The following DLG1 variants were observed in gnomAD, a reference collection of about 807,000 sequenced individuals.
DLG1 encodes the protein disks large homolog 1.
DLG1 carries 42 observed loss-of-function variants against 123.4 expected under a neutral mutation model. That is an observed-to-expected ratio of 0.34 (90% CI 0.27 to 0.44). The LOEUF is 0.44. Among genes scored for constraint, DLG1 ranks in the 20% least tolerant of loss-of-function variants. DLG1 has a pLI of 1.00. For synonymous variants in DLG1, 317 were observed against 356.2 expected (o/e 0.89, Z 1.24); for missense variants, 942 against 1,082.6 (o/e 0.87, Z 1.82).
intron 22 of DLG1, among the ~76,000 whole-genome samples, chr3:197,064,692 T>C (rs1028343241): frequency 3.9e-5 from 6 of 152,246 alleles, no homozygotes; most frequent in African/African-American, 1.4e-4. Context: ...AAATTTTTTC[T>C]GTCAGTTGTC....
chr3:197,119,363 T>C (rs1264697609), intron 12 of DLG1, 47 bp downstream of exon 12: 3 of 1,492,270 alleles, frequency 2.0e-6, no homozygotes, highest in African/African-American at 1.4e-5. Context: ...TAAAATTCAA[T>C]TTAATAGTTG....
intron 15 of DLG1, among the ~76,000 whole-genome samples, chr3:197,089,209 A>T (rs556844725): frequency 2.6e-4 from 40 of 152,318 alleles, no homozygotes; most frequent in African/African-American, 8.7e-4. Context: ...GTTTTTCATT[A>T]TAAGTCTTTA....
At chr3:197,214,082 A>G (rs559084912) in intron 4 of DLG1, among the ~76,000 whole-genome samples, 7 of 152,342 alleles carry the variant, frequency 4.6e-5, no homozygotes, top group Admixed American at 2.6e-4. Context: ...AATAGCTGTG[A>G]TAAGAATAAT....
At chr3:197,218,390 G>A (rs1177003915) in intron 4 of DLG1, among the ~76,000 whole-genome samples, 1 of 152,168 alleles carries the variant, frequency 6.6e-6, no homozygotes, top group Non-Finnish European at 1.5e-5. Context: ...TGAACTTCAA[G>A]GGAAGGTTTC....
chr3:197,176,470 C>T (rs1807156881), intron 5 of DLG1, among the ~76,000 whole-genome samples: 1 of 152,096 alleles, frequency 6.6e-6, no homozygotes, highest in Non-Finnish European at 1.5e-5. Context: ...TTATTTATCC[C>T]TCTCACCTAA....
chr3:197,193,690 T>C (rs1000024814), intron 5 of DLG1, among the ~76,000 whole-genome samples: 5 of 152,174 alleles, frequency 3.3e-5, no homozygotes, highest in Admixed American at 2.0e-4. Flanking sequence ...AAACAATTGA[T>C]TAGCAATCGA....
At chr3:197,286,139 T>G (rs540659035) in intron 3 of DLG1, among the ~76,000 whole-genome samples, 1 of 152,298 alleles carries the variant, frequency 6.6e-6, no homozygotes, top group South Asian at 2.1e-4. Context: ...TACTTATGAT[T>G]CCAATTATGA....
intron 4 of DLG1, among the ~76,000 whole-genome samples, chr3:197,243,578 G>A (rs1750067118): frequency 6.6e-6 from 1 of 151,928 alleles, no homozygotes; most frequent in African/African-American, 2.4e-5. Context: ...ACAACACTGG[G>A]TTCCTATCAT....
At chr3:197,081,684 C>T (rs1048776681) in intron 16 of DLG1, among the ~76,000 whole-genome samples, 1 of 125,576 alleles carries the variant, frequency 8.0e-6, no homozygotes, top group Non-Finnish European at 1.8e-5. Context: ...TAACCAGTTA[C>T]AGTTATTGAA....
intron 17 of DLG1, among the ~76,000 whole-genome samples, chr3:197,078,145 CAA>C (rs34391299): frequency 0.067 from 7,988 of 119,612 alleles, 279 homozygotes; most frequent in South Asian, 0.09. Flanking sequence ...AACCCCATCT[CAA>C]AAAAAAAAAA....
intron 5 of DLG1, among the ~76,000 whole-genome samples, chr3:197,189,390 T>A (rs1717960955): frequency 6.6e-6 from 1 of 152,200 alleles, no homozygotes; most frequent in Non-Finnish European, 1.5e-5. Context: ...AAAATATGTT[T>A]AACAAGTTTA....
chr3:197,053,658 G>C (rs1232754620), intron 23 of DLG1, among the ~76,000 whole-genome samples: 2 of 151,640 alleles, frequency 1.3e-5, no homozygotes, highest in Non-Finnish European at 2.9e-5. Flanking sequence ...TGTAATCCCA[G>C]CTACTAGGGA....
chr3:197,085,451 T>C, intron 16 of DLG1, 129 bp downstream of exon 16: 1 of 907,840 alleles, frequency 1.1e-6, no homozygotes. Context: ...TTTGTCTTTC[T>C]GTGTCTGGCT....
intron 4 of DLG1, among the ~76,000 whole-genome samples, chr3:197,223,777 A>G (rs1388816481): frequency 2.0e-5 from 3 of 152,226 alleles, no homozygotes; most frequent in Non-Finnish European, 2.9e-5. Context: ...ATTCTGGTAT[A>G]ATTCCCAATG....
At chr3:197,125,493 A>C (rs1451420356) in intron 11 of DLG1, among the ~76,000 whole-genome samples, 1 of 152,186 alleles carries the variant, frequency 6.6e-6, no homozygotes, top group Non-Finnish European at 1.5e-5. Context: ...CAAATAGAAA[A>C]ATTGAGACAA....
rs937363240 is a variant in DLG1 at position 197,104,938 on chromosome 3, T to C, written c.1511A>G (p.Gln504Arg). 5 of 1,613,802 alleles carry C rather than the reference T, an allele frequency of 3.1e-6. No homozygotes were observed. The highest frequency in any genetic ancestry group is 3.4e-6 in the Non-Finnish European group (4 of 1,179,794). Reference sequence around the variant, plus strand: ...ATATTGTGCAACAATTGTGACAGCCTGGCCAGCATTTTTCAATGCAGCTGC... The same window carrying C: ...ATATTGTGCAACAATTGTGACAGCCCGGCCAGCATTTTTCAATGCAGCTGC... ...QAAAALKNAG[Q>R]AVTIVAQYRP... The change falls in exon 14 of 25, where the codon CAG becomes CGG. Residue 504 changes from glutamine to arginine, a missense_variant. Transcript: ENST00000667157.
chr3:197,216,810 C>T (rs1734345455), intron 4 of DLG1, among the ~76,000 whole-genome samples: 1 of 152,132 alleles, frequency 6.6e-6, no homozygotes, highest in South Asian at 2.1e-4. Flanking sequence ...TCAAAGAGAG[C>T]AGTTTAGGTT....
intron 4 of DLG1, among the ~76,000 whole-genome samples, chr3:197,255,495 G>C (rs1180628110): frequency 6.6e-6 from 1 of 152,118 alleles, no homozygotes; most frequent in Non-Finnish European, 1.5e-5. Flanking sequence ...TCTACAATGT[G>C]AATTAAAAAT....
intron 5 of DLG1, among the ~76,000 whole-genome samples, chr3:197,151,600 A>T (rs1055657654): frequency 3.9e-5 from 6 of 152,234 alleles, no homozygotes; most frequent in African/African-American, 1.4e-4. Context: ...CATAGAGTTC[A>T]TTGTACTATT....
Sources: allele counts gnomAD v4.1 joint callset (sites outside exome capture counted in the v4.1 genomes callset), GRCh38; gene constraint gnomAD v4.1.1; transcripts MANE v1.5; gene names NCBI Gene and HGNC (gene_info 2026-07-23, HGNC 2026-07-21).